PRKACB: variants seen among roughly 807,000 people sequenced by gnomAD.
PRKACB encodes protein kinase cAMP-activated catalytic subunit beta.
In PRKACB, 16 loss-of-function variants were observed where a neutral mutation model predicts 51.4. The observed-to-expected ratio is 0.31, with a 90% CI of 0.21 to 0.47. The LOEUF (loss-of-function observed/expected upper bound fraction) is 0.47. PRKACB is among the 20% of genes least tolerant of loss of function. PRKACB has a pLI of 1.00. For missense variants in PRKACB, 309 were observed against 464.5 expected (o/e 0.67, Z 3.08); for synonymous variants, 147 against 154.4 (o/e 0.95, Z 0.35).
intron 7 of PRKACB, among the ~76,000 whole-genome samples, chr1:84,198,947 A>G (rs1669030673): frequency 6.8e-6 from 1 of 147,242 alleles, no homozygotes; most frequent in African/African-American, 2.5e-5. Flanking sequence ...GTGTATATAT[A>G]CATATATATT....
At chr1:84,078,649 G>A (rs920317185) in intron 1 of PRKACB, among the ~76,000 whole-genome samples, 1 of 152,186 alleles carries the variant, frequency 6.6e-6, no homozygotes, top group Non-Finnish European at 1.5e-5. Context: ...ACTTGCACAC[G>A]TTCTGGAACA....
chr1:84,182,582 T>G (rs573361528), intron 3 of PRKACB, among the ~76,000 whole-genome samples: 1 of 152,048 alleles, frequency 6.6e-6, no homozygotes, highest in Non-Finnish European at 1.5e-5. Flanking sequence ...GGGAAAAAAA[T>G]TACATCTATA....
chr1:84,114,201 A>G (rs2684914), intron 1 of PRKACB, among the ~76,000 whole-genome samples: 27,931 of 152,124 alleles, frequency 0.18, 2,832 homozygotes, highest in South Asian at 0.25. Flanking sequence ...GAAATAACCT[A>G]AAAGCCCATC....
At chr1:84,191,149 G>A (rs1421049479) in intron 5 of PRKACB, among the ~76,000 whole-genome samples, 7 of 152,062 alleles carry the variant, frequency 4.6e-5, no homozygotes, top group Non-Finnish European at 7.4e-5. Context: ...TTTTGTGGTA[G>A]CAGATATTGA....
At chr1:84,227,563 T>C (rs1674837459) in intron 9 of PRKACB, among the ~76,000 whole-genome samples, 1 of 152,192 alleles carries the variant, frequency 6.6e-6, no homozygotes, top group Non-Finnish European at 1.5e-5. Flanking sequence ...TTTTTAATAA[T>C]TATTCCTAAA....
intron 1 of PRKACB, among the ~76,000 whole-genome samples, chr1:84,148,823 G>A (rs982876552): frequency 6.6e-6 from 1 of 152,262 alleles, no homozygotes; most frequent in Non-Finnish European, 1.5e-5. Context: ...GAGCCATTTA[G>A]CAATGCAAGT....
intron 6 of PRKACB, 79 bp downstream of exon 6, chr1:84,196,821 G>A (rs1668360262): frequency 3.5e-6 from 5 of 1,417,626 alleles, no homozygotes; most frequent in South Asian, 1.5e-5. Flanking sequence ...CCCCAACTTG[G>A]AATTTTTTTT....
intron 1 of PRKACB, among the ~76,000 whole-genome samples, chr1:84,107,943 C>T (rs1470210268): frequency 6.6e-6 from 1 of 152,080 alleles, no homozygotes; most frequent in Non-Finnish European, 1.5e-5. Flanking sequence ...GATCTAAAAA[C>T]AGACCTACCA....
chr1:84,232,032 T>C (rs1424384066), intron 9 of PRKACB, among the ~76,000 whole-genome samples: 1 of 152,020 alleles, frequency 6.6e-6, no homozygotes, highest in Non-Finnish European at 1.5e-5. Flanking sequence ...ATTTTGGATC[T>C]TTCCTGCTTT....
rs141040186 is a variant in PRKACB at position 84,205,935 on chromosome 1, A to G, written c.906+3130A>G. On this transcript the variant is annotated intron_variant, in intron 8 of 9. Transcript: ENST00000370685. ...ATTAACTATGCCTCATCCTAACAAT[A>G]CATATGCTGAGTTTCTGTATGTAGT... is the stretch of plus-strand genomic sequence containing the variant. Among the ~76,000 whole-genome samples the G allele has an allele frequency of 4.0e-3, 603 of 152,318 alleles. 2 individuals are homozygous for G. Among genetic ancestry groups the G allele is most frequent in the Middle Eastern group, 0.014 (4 of 294 alleles).
In PRKACB at chr1:84,237,546, T is replaced by G. The variant is rs1332243171; in HGVS notation, c.*2241T>G. 4 of 152,400 alleles carry G rather than the reference T, an allele frequency of 2.6e-5. No individual in the cohort carries two copies. The highest frequency in any genetic ancestry group is 5.9e-5 in the Non-Finnish European group (4 of 67,982). 9.4% of individuals were successfully genotyped at this position (152,400 alleles called of 1,614,324 possible). ...TCAGCCATTCCATTTTACTCTCTATTTAAAGGCCGTGAGCAAGCTTGTCAT... is the reference window on the plus strand; with the variant it reads ...TCAGCCATTCCATTTTACTCTCTATGTAAAGGCCGTGAGCAAGCTTGTCAT... On this transcript the variant is annotated 3_prime_UTR_variant, in exon 10 of 10. Coordinates refer to ENST00000370685, the MANE Select transcript of PRKACB (RefSeq NM_182948.4).
intron 1 of PRKACB, among the ~76,000 whole-genome samples, chr1:84,113,381 G>A (rs1473891547): frequency 6.6e-6 from 1 of 152,176 alleles, no homozygotes; most frequent in Non-Finnish European, 1.5e-5. Context: ...ACATACTGGT[G>A]AGGATGCAAA....
At chr1:84,146,794 A>G (rs973945747) in intron 1 of PRKACB, among the ~76,000 whole-genome samples, 3 of 152,064 alleles carry the variant, frequency 2.0e-5, no homozygotes, top group Non-Finnish European at 4.4e-5. Context: ...TTTCGTGTCC[A>G]GTGACATTAT....
chr1:84,084,581 G>C (rs1370285438), intron 1 of PRKACB, among the ~76,000 whole-genome samples: 1 of 152,078 alleles, frequency 6.6e-6, no homozygotes, highest in Non-Finnish European at 1.5e-5. Flanking sequence ...GGATTTTGAG[G>C]GTCTGAACCA....
At chr1:84,081,626 T>A (rs1211890731) in intron 1 of PRKACB, among the ~76,000 whole-genome samples, 1 of 152,180 alleles carries the variant, frequency 6.6e-6, no homozygotes, top group Non-Finnish European at 1.5e-5. Flanking sequence ...TAAGTTTGTT[T>A]TACTTATCCA....
At chr1:84,215,638 A>G (rs1433845982) in intron 9 of PRKACB, among the ~76,000 whole-genome samples, 1 of 152,194 alleles carries the variant, frequency 6.6e-6, no homozygotes, top group Non-Finnish European at 1.5e-5. Flanking sequence ...GCATATTTAA[A>G]AGAAACTAGT....
chr1:84,207,214 TA>T (rs1323336667), intron 8 of PRKACB, among the ~76,000 whole-genome samples: 1 of 152,144 alleles, frequency 6.6e-6, no homozygotes, highest in Non-Finnish European at 1.5e-5. Flanking sequence ...ACTGGCTTCT[TA>T]TGTGAGAGCA....
chr1:84,231,932 C>G (rs1218030600), intron 9 of PRKACB, among the ~76,000 whole-genome samples: 14 of 150,100 alleles, frequency 9.3e-5, no homozygotes, highest in African/African-American at 3.2e-4. Context: ...CAGTTCTGCT[C>G]TGATTTTAGT....
intron 1 of PRKACB, chr1:84,164,305 A>G (rs1656708578): frequency 1.3e-6 from 2 of 1,526,356 alleles, no homozygotes; most frequent in African/African-American, 2.8e-5. Flanking sequence ...TAGCAACAGC[A>G]CACAGCATTT....
Sources: gnomAD v4.1 joint callset for allele counts (sites outside exome capture counted in the v4.1 genomes callset) on GRCh38, gnomAD v4.1.1 for gene constraint, MANE v1.5 for transcripts, NCBI Gene and HGNC (gene_info 2026-07-23, HGNC 2026-07-21) for gene names.